The following VSIG4 variants were observed in gnomAD, a reference collection of about 807,000 sequenced individuals.
VSIG4 encodes the protein V-set and immunoglobulin domain containing 4.
Under a neutral mutation model 23.4 loss-of-function variants are expected in VSIG4, and 34 were observed. The observed-to-expected ratio is 1.45, with a 90% confidence interval of 1.10 to 1.93. VSIG4 has a LOEUF of 1.93. VSIG4 is among the 30% of genes most tolerant of loss of function. VSIG4 has a pLI of 0.00. For missense variants in VSIG4, 433 were observed against 310.8 expected (o/e 1.39, Z -2.96); for synonymous variants, 169 against 120.3 (o/e 1.41, Z -2.65).
intron 1 of VSIG4, among the ~76,000 whole-genome samples, chrX:66,036,973 A>AATATAATATATCATATCATATAATATATC (rs2085579172): frequency 3.3e-4 from 8 of 24,162 alleles, no homozygotes; most frequent in Non-Finnish European, 4.1e-4. Flanking sequence ...TATAATATAT[A>AATATAATATATCATATCATATAATATATC]ATATAATATA....
chrX:66,039,848 A>T (rs1180925417), intron 1 of VSIG4, 96 bp downstream of exon 1: 1 of 1,036,442 alleles, frequency 9.6e-7, no homozygotes, highest in Admixed American at 2.4e-5. Context: ...TCACCTGCCC[A>T]GTAGGAATAG....
intron 1 of VSIG4, among the ~76,000 whole-genome samples, chrX:66,036,808 ATATTATATAT>A (rs1304945337): frequency 5.1e-5 from 2 of 39,574 alleles, no homozygotes; most frequent in Non-Finnish European, 3.8e-5. Flanking sequence ...ATATTATATA[ATATTATATAT>A]TATTATATAT....
rs181039371 is a variant in VSIG4, at chrX:66,027,777, G to A, written c.758-251C>T. ...CAAAGTCACACAGCAAGTCAAACTA[G>A]GAGCAGAATAGAATTTAGTGTTCTT... On this transcript the variant is annotated intron_variant, in intron 4 of 7. Coordinates refer to ENST00000374737, the MANE Select transcript of VSIG4 (RefSeq NM_007268.3). Among the ~76,000 whole-genome samples, 530 of 112,423 alleles carry A rather than the reference G, an allele frequency of 4.7e-3. 3 individuals are homozygous for A. Among genetic ancestry groups the A allele is most frequent in the South Asian group, 6.3e-3 (17 of 2,699 alleles).
At chrX:66,030,879 A>C (rs1013079086) in intron 3 of VSIG4, among the ~76,000 whole-genome samples, 1 of 111,389 alleles carries the variant, frequency 9.0e-6, no homozygotes, top group African/African-American at 3.3e-5. Flanking sequence ...GAGCAAAAGC[A>C]GGGCCTCCAG....
chrX:66,024,622 C>T (rs1290241910), intron 6 of VSIG4, among the ~76,000 whole-genome samples: 4 of 112,020 alleles, frequency 3.6e-5, no homozygotes, highest in Non-Finnish European at 5.6e-5. Flanking sequence ...TCCTCTGGAT[C>T]CCTTTAGCAT....
In VSIG4 at chrX:66,032,517, G is replaced by A. The variant is rs774517475; in HGVS notation, c.645C>T (p.Gly215=). 15 of 1,211,836 alleles carry A rather than the reference G, an allele frequency of 1.2e-5. No individual in the cohort carries two copies. Among genetic ancestry groups the A allele is most frequent in the Non-Finnish European group, 1.6e-5 (14 of 895,498 alleles). ...DSGSYFCTAK[G]QVGSEQHSDI... Reference sequence around the variant, plus strand: ...CGCTGTGCTGCTCAGAGCCAACCTGGCCCTTGGCAGTGCAGAAATAGGAGC... The same window carrying A: ...CGCTGTGCTGCTCAGAGCCAACCTGACCCTTGGCAGTGCAGAAATAGGAGC... Residue 215 remains glycine (G), a synonymous_variant, in exon 3 of 8, where the codon GGC becomes GGT. Coordinates refer to ENST00000374737, the MANE Select transcript of VSIG4 (RefSeq NM_007268.3).
intron 1 of VSIG4, among the ~76,000 whole-genome samples, chrX:66,034,566 T>C (rs1263265771): frequency 1.8e-5 from 2 of 112,113 alleles, no homozygotes; most frequent in African/African-American, 3.2e-5. Flanking sequence ...TTTCTTTTGT[T>C]TATTTTCCTT....
At chrX:66,032,399 G>T in intron 3 of VSIG4, 69 bp downstream of exon 3, 2 of 1,126,848 alleles carry the variant, frequency 1.8e-6, no homozygotes, top group Non-Finnish European at 1.2e-6. Context: ...TTGCATAAGG[G>T]CACCTTTTGA....
chrX:66,040,063 G>A lies in VSIG4; in HGVS notation c.-65C>T, dbSNP rs2085666629. The A allele has an allele frequency of 8.8e-7, 1 of 1,134,918 alleles. No individual in the cohort carries two copies. Among genetic ancestry groups the A allele is most frequent in the Non-Finnish European group, 1.2e-6 (1 of 829,165 alleles). The allele number at this position is 1,134,918 out of a possible 1,213,427, so 93.5% of individuals were successfully genotyped here. A position where few individuals can be genotyped will look rare whatever the true frequency, so the allele number is the denominator to read the frequency against. On this transcript the variant is annotated 5_prime_UTR_variant, in exon 1 of 8. Coordinates refer to ENST00000374737, the MANE Select transcript of VSIG4 (RefSeq NM_007268.3). ...GCTACCAAAGAGGCTCAAACTTCTG[G>A]TGGCCGCCAGCGTCTGTGACTGCTT... is the stretch of plus-strand genomic sequence containing the variant.
In VSIG4 at chrX:66,022,145, G is replaced by A. The variant is rs1251098076; in HGVS notation, c.*118C>T. ...GCCAGTGACTCCCAGCGGCTCCAGT[G>A]TTGGTAGGCGGACACTTTGGGCTAT... On this transcript the variant is annotated 3_prime_UTR_variant, in exon 8 of 8. Coordinates refer to ENST00000374737, the MANE Select transcript of VSIG4 (RefSeq NM_007268.3). The A allele has an allele frequency of 1.0e-5, 12 of 1,197,586 alleles. No individual in the cohort carries two copies. Among genetic ancestry groups the A allele is most frequent in the Admixed American group, 2.3e-5 (1 of 44,041 alleles).
At chrX:66,038,487 A>T (rs1285783384) in intron 1 of VSIG4, among the ~76,000 whole-genome samples, 1 of 110,004 alleles carries the variant, frequency 9.1e-6, no homozygotes, top group African/African-American at 3.3e-5. Context: ...TCTCTCACAC[A>T]CACACACACA....
intron 3 of VSIG4, among the ~76,000 whole-genome samples, chrX:66,028,599 TAGCCAAAGGTTTGC>T (rs2085424210): frequency 1.3e-5 from 1 of 78,250 alleles, no homozygotes; most frequent in African/African-American, 5.2e-5. Context: ...TTTTGCAAAA[TAGCCAAAGGTTTGC>T]AGCACCTTAG....
chrX:66,025,429 AAAG>A (rs891300042), intron 5 of VSIG4, among the ~76,000 whole-genome samples: 3 of 111,869 alleles, frequency 2.7e-5, no homozygotes, highest in Admixed American at 9.5e-5. Context: ...CCCTTAGAAA[AAAG>A]AAAATAATAT....
At chrX:66,036,166 T>C (rs1210297015) in intron 1 of VSIG4, among the ~76,000 whole-genome samples, 2 of 110,811 alleles carry the variant, frequency 1.8e-5, no homozygotes, top group Admixed American at 9.7e-5. Flanking sequence ...CCTTTATTTC[T>C]TCCACTCATT....
At chrX:66,027,407 A>T in intron 5 of VSIG4, 42 bp downstream of exon 5, 1 of 1,111,557 alleles carries the variant, frequency 9.0e-7, no homozygotes, top group Non-Finnish European at 1.2e-6. Flanking sequence ...CACAAAGCTT[A>T]GAGTCAAGAA....
chrX:66,033,603 C>T lies in VSIG4; in HGVS notation c.283G>A (p.Asp95Asn). The T allele has an allele frequency of 8.3e-7, 1 of 1,211,534 alleles. No individual in the cohort carries two copies. The highest frequency in any genetic ancestry group is 1.7e-5 in the African/African-American group (1 of 57,726). Reference protein sequence around the residue: ...RLHVSHKVPGDVSLQLSTLEM... With the variant: ...RLHVSHKVPGNVSLQLSTLEM... ...AGGGTGCTCAATTGGAGGGATACAT[C>T]TCCTGGAACCTTGTGGCTCACATGC... is the stretch of plus-strand genomic sequence containing the variant. Residue 95 changes from aspartate (D) to asparagine (N), a missense_variant, in exon 2 of 8, where the codon GAT (aspartate) becomes AAT (asparagine). Coordinates refer to ENST00000374737, the MANE Select transcript of VSIG4 (RefSeq NM_007268.3).
At chrX:66,033,872 A>T (rs1471613339) in intron 1 of VSIG4, 42 bp from the exon 2 acceptor site, 1 of 1,073,110 alleles carries the variant, frequency 9.3e-7, no homozygotes, top group Non-Finnish European at 1.3e-6. Context: ...CGTAGATGGC[A>T]TACCTACTTG....
chrX:66,032,456 A>G lies in VSIG4; in HGVS notation c.694+12T>C. 3.3e-6 allele frequency: 4 copies of G among 1,202,498 alleles called. No individual in the cohort carries two copies. The highest frequency in any genetic ancestry group is 4.5e-6 in the Non-Finnish European group (4 of 889,589). On this transcript the variant is annotated intron_variant, in intron 3 of 7. Transcript: ENST00000374737. The stretch of plus-strand genomic sequence containing the variant: ...TGTGTTAAGATGCTCACCAGGAAAG[A>G]GGGCCGCTCACCTTTGACCACAAAC...
chrX:66,032,512 AC>A lies in VSIG4; in HGVS notation c.649del (p.Val217LeufsTer10), dbSNP rs1335378378. 3 of 1,211,984 alleles carry A rather than the reference AC, an allele frequency of 2.5e-6. No individual in the cohort carries two copies. Among genetic ancestry groups the A allele is most frequent in the Non-Finnish European group, 3.4e-6 (3 of 895,516 alleles). ...AATGTCGCTGTGCTGCTCAGAGCCA[AC>A]CTGGCCCTTGGCAGTGCAGAAATAG... ...GSYFCTAKGQ[V>X]GSEQHSDIVK... On this transcript the variant is annotated frameshift_variant, in exon 3 of 8. Coordinates refer to ENST00000374737, the MANE Select transcript of VSIG4 (RefSeq NM_007268.3). LOFTEE classifies it high-confidence loss of function.
Sources: gnomAD v4.1 joint callset for allele counts (sites outside exome capture counted in the v4.1 genomes callset) on GRCh38, gnomAD v4.1.1 for gene constraint, MANE v1.5 for transcripts, NCBI Gene and HGNC (gene_info 2026-07-23, HGNC 2026-07-21) for gene names.